The following ELAVL2 variants were observed in gnomAD, a reference collection of about 807,000 sequenced individuals.
The protein encoded by ELAVL2 is ELAV-like protein 2.
ELAVL2 carries 4 observed loss-of-function variants against 34.6 expected under a neutral mutation model. That is an observed-to-expected ratio of 0.12 (90% CI 0.06 to 0.26). ELAVL2 has a LOEUF of 0.26. Ranked by LOEUF, ELAVL2 falls within the 10% of genes least tolerant of loss-of-function variation. ELAVL2 has a pLI of 1.00. For synonymous variants in ELAVL2, 193 were observed against 154.8 expected (o/e 1.25, Z -1.83); for missense variants, 432 against 442.8 (o/e 0.98, Z 0.22).
upstream of ELAVL2, chr9:23,826,356 G>A (rs2065297071): frequency 6.6e-6 from 1 of 152,378 alleles, no homozygotes; most frequent in Admixed American, 6.5e-5. Context: ...GGCAGCACGC[G>A]CGGAAGTATA....
Position 23,692,206 on chromosome 9 carries a change from G to C in ELAVL2, c.*351C>G, listed in dbSNP as rs1054147536. 5.5e-6 allele frequency: 1 copy of C among 182,344 alleles called. No individual in the cohort carries two copies. The highest frequency in any genetic ancestry group is 2.4e-5 in the African/African-American group (1 of 42,446). The allele number at this position is 182,344 out of a possible 1,614,324, so 11.3% of individuals were successfully genotyped here. A position where few individuals can be genotyped will look rare whatever the true frequency, so the allele number is the denominator to read the frequency against. On this transcript the variant is annotated 3_prime_UTR_variant, in exon 7 of 7. Coordinates refer to ENST00000397312, the MANE Select transcript of ELAVL2 (RefSeq NM_004432.5). ...ACCAACTGAAGAATTACAACACAAA[G>C]CCTCAATATTTACTCACAGGTTCAA...
chr9:23,783,539 G>C (rs2059332197), intron 1 of ELAVL2: 14 of 981,250 alleles, frequency 1.4e-5, no homozygotes, highest in Non-Finnish European at 1.7e-5. Context: ...TTTCAAATAA[G>C]GCTTTAGTCA....
chr9:23,765,123 C>A (rs1017095722), intron 1 of ELAVL2: 2 of 1,576,252 alleles, frequency 1.3e-6, no homozygotes, highest in Non-Finnish European at 1.7e-6. Context: ...ACAAAAAGTA[C>A]CGTATGTTAG....
At chr9:23,731,428 A>G (rs1587837047) in intron 2 of ELAVL2, among the ~76,000 whole-genome samples, 1 of 152,120 alleles carries the variant, frequency 6.6e-6, no homozygotes, top group African/African-American at 2.4e-5. Context: ...GGTCAGCTTC[A>G]TAAACTGTGG....
At chr9:23,757,237 G>C (rs1450696153) in intron 2 of ELAVL2, among the ~76,000 whole-genome samples, 1 of 152,148 alleles carries the variant, frequency 6.6e-6, no homozygotes. Flanking sequence ...ACACTCGCCA[G>C]AAGATGCCCT....
Position 23,701,423 on chromosome 9 carries a change from G to T in ELAVL2, c.669C>A (p.Asn223Lys). 1 of 1,614,136 alleles carries T rather than the reference G, an allele frequency of 6.2e-7. No individual in the cohort carries two copies. The highest frequency in any genetic ancestry group is 8.5e-7 in the Non-Finnish European group (1 of 1,179,994). ...GAGCTAGCGGTCCTGGATACCTTCT[G>T]TTTGGAGACTGGTACAGCTGGGAAA... is the stretch of plus-strand genomic sequence containing the variant. ...AILSQLYQSP[N>K]RRYPGPLAQQ... Residue 223 changes from asparagine (N) to lysine (K), a missense_variant, in exon 5 of 7, where the codon AAC becomes AAA. Physicochemically the swap from Asn to Lys is moderately conservative, Grantham distance 94. Coordinates refer to ENST00000397312, the MANE Select transcript of ELAVL2 (RefSeq NM_004432.5).
chr9:23,751,653 G>T (rs2052070488), intron 2 of ELAVL2, among the ~76,000 whole-genome samples: 1 of 152,100 alleles, frequency 6.6e-6, no homozygotes, highest in Non-Finnish European at 1.5e-5. Flanking sequence ...TAAGGAAGAT[G>T]ATGTCAATAA....
chr9:23,767,763 ACT>A (rs2056584047), intron 1 of ELAVL2, among the ~76,000 whole-genome samples: 2 of 152,168 alleles, frequency 1.3e-5, no homozygotes, highest in African/African-American at 4.8e-5. Flanking sequence ...ACAGTGAGAG[ACT>A]CTGTCTCCAA....
chr9:23,762,226 T>C lies in ELAVL2; in HGVS notation c.9A>G (p.Thr3=), dbSNP rs1393350711. The change falls in exon 2 of 7, where the codon ACA becomes ACG. Residue 3 remains threonine, a synonymous_variant. Transcript: ENST00000397312. ME[T]QLSNGPTCNN... ...TGCAAGTTGGCCCATTAGACAGTTG[T>C]GTTTCCATGGCAGCAATTACCTGCT... is the stretch of plus-strand genomic sequence containing the variant. The C allele has an allele frequency of 1.2e-6, 2 of 1,613,418 alleles. No individual in the cohort carries two copies. Among genetic ancestry groups the C allele is most frequent in the Middle Eastern group, 1.7e-4 (1 of 6,052 alleles).
intron 3 of ELAVL2, among the ~76,000 whole-genome samples, chr9:23,722,459 T>G (rs1218392848): frequency 6.6e-6 from 1 of 152,222 alleles, no homozygotes; most frequent in Non-Finnish European, 1.5e-5. Context: ...CTGTCTCAAG[T>G]GCTCACTCTG....
chr9:23,735,711 A>G (rs1027837587), intron 2 of ELAVL2: 7 of 152,198 alleles, frequency 4.6e-5, no homozygotes, highest in African/African-American at 1.7e-4. Context: ...CAGAAAAGAA[A>G]CCCTTCTTCA....
intron 1 of ELAVL2, among the ~76,000 whole-genome samples, chr9:23,779,629 TAATCA>T (rs1259895970): frequency 1.3e-5 from 2 of 151,958 alleles, no homozygotes; most frequent in Non-Finnish European, 2.9e-5. Context: ...AATCTGAAGG[TAATCA>T]ACTCACCATT....
intron 1 of ELAVL2, chr9:23,779,518 C>T (rs1041935815): frequency 3.8e-6 from 2 of 530,046 alleles, no homozygotes. Flanking sequence ...TTCTTCCCTG[C>T]CTCCAAAGCT....
intron 2 of ELAVL2, among the ~76,000 whole-genome samples, chr9:23,746,810 A>C (rs2050607110): frequency 6.6e-6 from 1 of 151,284 alleles, no homozygotes; most frequent in Non-Finnish European, 1.5e-5. Flanking sequence ...TTTCCATGTA[A>C]ACTGAAAAAG....
At chr9:23,777,591 C>T (rs554982252) in intron 1 of ELAVL2, among the ~76,000 whole-genome samples, 16 of 152,218 alleles carry the variant, frequency 1.1e-4, no homozygotes, top group Non-Finnish European at 1.8e-4. Flanking sequence ...CATCAGGACA[C>T]TATTCTTTAT....
chr9:23,729,422 G>A (rs1175014837), intron 3 of ELAVL2, among the ~76,000 whole-genome samples: 1 of 152,086 alleles, frequency 6.6e-6, no homozygotes, highest in Non-Finnish European at 1.5e-5. Flanking sequence ...AACACTGGAT[G>A]TCTTTTTAAA....
At chr9:23,759,792 T>C (rs946409827) in intron 2 of ELAVL2, among the ~76,000 whole-genome samples, 1 of 71,958 alleles carries the variant, frequency 1.4e-5, no homozygotes, top group South Asian at 4.5e-4. Context: ...ATATATATAA[T>C]GTATAGAAAC....
upstream of ELAVL2, among the ~76,000 whole-genome samples, chr9:23,829,290 T>C (rs2065425878): frequency 6.6e-6 from 1 of 152,148 alleles, no homozygotes; most frequent in East Asian, 1.9e-4. Context: ...AGTTTCTATA[T>C]AAGAGAACAT....
At chr9:23,839,703 A>G in the ELAVL2 span, among the ~76,000 whole-genome samples, 3 of 152,166 alleles carry the variant, frequency 2.0e-5, no homozygotes, top group Non-Finnish European at 4.4e-5. Flanking sequence ...TCATTTTTGC[A>G]ATGAAATTAA....
Sources: allele counts gnomAD v4.1 joint callset (sites outside exome capture counted in the v4.1 genomes callset), GRCh38; gene constraint gnomAD v4.1.1; transcripts MANE v1.5; gene names NCBI Gene and HGNC (gene_info 2026-07-23, HGNC 2026-07-21).